The following PCDH15 variants were observed in gnomAD, a reference collection of about 807,000 sequenced individuals.
PCDH15 encodes protocadherin-15.
Under a neutral mutation model 178.5 loss-of-function variants are expected in PCDH15, and 129 were observed. The observed-to-expected ratio is 0.72, with a 90% CI of 0.63 to 0.84. The LOEUF (loss-of-function observed/expected upper bound fraction) is 0.84. Among genes scored for constraint, PCDH15 ranks in the 40% least tolerant of loss-of-function variants. The pLI is 0.00. For synonymous variants in PCDH15, 800 were observed against 732.0 expected (o/e 1.09, Z -1.50); for missense variants, 2,230 against 2,099.9 (o/e 1.06, Z -1.21).
intron 2 of PCDH15, among the ~76,000 whole-genome samples, chr10:54,552,738 A>G (rs1183943282): frequency 6.6e-6 from 1 of 152,176 alleles, no homozygotes; most frequent in Non-Finnish European, 1.5e-5. Flanking sequence ...AGTATCTACT[A>G]TATGGGGTTG....
At chr10:54,586,084 G>A (rs1419365405) in intron 2 of PCDH15, among the ~76,000 whole-genome samples, 4 of 152,046 alleles carry the variant, frequency 2.6e-5, no homozygotes, top group African/African-American at 9.7e-5. Flanking sequence ...ATTAGACCCA[G>A]TTTTGTAGCA....
rs184613563 is a variant in PCDH15 at position 54,783,976 on chromosome 10, A to C, written c.-29+16949T>G. On this transcript the variant is annotated intron_variant, in intron 1 of 37. Transcript: ENST00000644397. Reference sequence around the variant, plus strand: ...ATCAGGAAACTTACAATCATGGCAGAAGGCAAAGGGGAAACAAGGCACCTT... The same window carrying C: ...ATCAGGAAACTTACAATCATGGCAGCAGGCAAAGGGGAAACAAGGCACCTT... Among the ~76,000 whole-genome samples the C allele has an allele frequency of 3.9e-4, 60 of 152,242 alleles. No individual in the cohort carries two copies. In the East Asian group the frequency reaches 0.011, roughly 28 times the overall value.
intron 6 of PCDH15, among the ~76,000 whole-genome samples, chr10:54,336,037 T>C (rs987525449): frequency 3.3e-5 from 5 of 152,184 alleles, no homozygotes; most frequent in African/African-American, 1.2e-4. Flanking sequence ...CTTGCTATGT[T>C]TTATCAAAGA....
At chr10:54,774,467 ATAAG>A (rs563556655) in intron 1 of PCDH15, among the ~76,000 whole-genome samples, 16 of 152,324 alleles carry the variant, frequency 1.1e-4, no homozygotes, top group South Asian at 1.0e-3. Flanking sequence ...TAAAACATAA[ATAAG>A]TGTCACAAAT....
intron 13 of PCDH15, among the ~76,000 whole-genome samples, chr10:54,170,235 G>A (rs796446802): frequency 7.7e-5 from 11 of 142,182 alleles, no homozygotes; most frequent in Non-Finnish European, 1.4e-4. Context: ...AATCGTGTCC[G>A]ACTGATCTCT....
chr10:54,443,556 G>A (rs1236031122), intron 3 of PCDH15, among the ~76,000 whole-genome samples: 1 of 151,536 alleles, frequency 6.6e-6, no homozygotes. Flanking sequence ...GATCCAGAGA[G>A]GAAGATACAC....
chr10:54,880,852 A>AT (rs987792991), intron 3 of PCDH15, among the ~76,000 whole-genome samples: 3 of 150,980 alleles, frequency 2.0e-5, no homozygotes, highest in African/African-American at 7.3e-5. Flanking sequence ...AAAGCATAGG[A>AT]TTTTTTAAAA....
chr10:54,560,225 A>C (rs2087921080), intron 2 of PCDH15, among the ~76,000 whole-genome samples: 1 of 152,000 alleles, frequency 6.6e-6, no homozygotes, highest in African/African-American at 2.4e-5. Flanking sequence ...CTTAGGGTTA[A>C]TCTACATCGG....
At chr10:54,059,235 T>C (rs1270152438) in intron 18 of PCDH15, among the ~76,000 whole-genome samples, 2 of 152,210 alleles carry the variant, frequency 1.3e-5, no homozygotes, top group Non-Finnish European at 2.9e-5. Flanking sequence ...AAAATGATTT[T>C]CATTATGCCA....
At chr10:55,286,347 A>G (rs1842869211) in intron 1 of PCDH15, among the ~76,000 whole-genome samples, 1 of 151,964 alleles carries the variant, frequency 6.6e-6, no homozygotes, top group African/African-American at 2.4e-5. Flanking sequence ...GTATTTGAAT[A>G]TGAGAAATTT....
chr10:54,667,594 G>T (rs754268154), intron 1 of PCDH15, among the ~76,000 whole-genome samples: 1 of 152,064 alleles, frequency 6.6e-6, no homozygotes, highest in Admixed American at 6.6e-5. Context: ...CTTGCTAAGT[G>T]ACTGTAGGTA....
intron 3 of PCDH15, among the ~76,000 whole-genome samples, chr10:54,519,193 T>A (rs1485716417): frequency 6.6e-6 from 1 of 152,136 alleles, no homozygotes; most frequent in African/African-American, 2.4e-5. Flanking sequence ...TTCAACATAG[T>A]GTTGGAAGTT....
intron 9 of PCDH15, among the ~76,000 whole-genome samples, chr10:54,228,699 G>C (rs1344081022): frequency 1.3e-5 from 2 of 152,156 alleles, no homozygotes; most frequent in African/African-American, 4.8e-5. Flanking sequence ...TTCAAGAAGA[G>C]AGAACTCATC....
chr10:54,286,691 T>C (rs1170755025), intron 8 of PCDH15, among the ~76,000 whole-genome samples: 3 of 152,234 alleles, frequency 2.0e-5, no homozygotes, highest in Admixed American at 1.3e-4. Context: ...GGTAGCACGA[T>C]CTCAGCTCAC....
At chr10:54,396,401 G>C (rs1048597847) in intron 3 of PCDH15, among the ~76,000 whole-genome samples, 1 of 152,050 alleles carries the variant, frequency 6.6e-6, no homozygotes, top group Non-Finnish European at 1.5e-5. Context: ...TGAAATACAC[G>C]TCAATAAACT....
At chr10:55,597,128 A>T (rs1043578993) in intron 2 of PCDH15, 4 of 152,196 alleles carry the variant, frequency 2.6e-5, no homozygotes, top group African/African-American at 9.6e-5. Flanking sequence ...CGGGAGCCTG[A>T]TCCCTGCGGA....
chr10:53,844,389 C>G (rs926410337), intron 28 of PCDH15, among the ~76,000 whole-genome samples: 1 of 151,814 alleles, frequency 6.6e-6, no homozygotes, highest in Non-Finnish European at 1.5e-5. Flanking sequence ...AGACACAACC[C>G]AATCCATGAC....
At chr10:54,192,558 A>C (rs919286900) in intron 11 of PCDH15, among the ~76,000 whole-genome samples, 3 of 152,150 alleles carry the variant, frequency 2.0e-5, no homozygotes, top group East Asian at 3.9e-4. Flanking sequence ...ATTTCTGGGA[A>C]ATGGGTTTTA....
At chr10:54,404,653 A>T (rs1378043582) in intron 3 of PCDH15, among the ~76,000 whole-genome samples, 2 of 152,120 alleles carry the variant, frequency 1.3e-5, no homozygotes, top group South Asian at 2.1e-4. Context: ...GACAAACGGG[A>T]TCTAATTAAG....
Sources: gnomAD v4.1 joint callset for allele counts (sites outside exome capture counted in the v4.1 genomes callset) on GRCh38, gnomAD v4.1.1 for gene constraint, MANE v1.5 for transcripts, NCBI Gene and HGNC (gene_info 2026-07-23, HGNC 2026-07-21) for gene names.